NKAIN2: variants seen among roughly 807,000 people sequenced by gnomAD.
NKAIN2 encodes the protein sodium/potassium transporting ATPase interacting 2.
A neutral mutation model predicts 32.6 loss-of-function variants in NKAIN2; 14 were observed. The ratio of observed to expected loss-of-function variants is 0.43; its 90% CI spans 0.28 to 0.67. NKAIN2 has a LOEUF of 0.67. NKAIN2 is among the 30% of genes least tolerant of loss of function. The probability of loss-of-function intolerance (pLI) is 0.17; values close to 1 mark genes in which losing one functional copy is unlikely to be tolerated. For synonymous variants in NKAIN2, 80 were observed against 87.2 expected, an observed-to-expected ratio of 0.92 and a Z score of 0.46; for missense variants, 198 against 258.3, an observed-to-expected ratio of 0.77 and a Z score of 1.60.
intron 1 of NKAIN2, among the ~76,000 whole-genome samples, chr6:123,870,819 TAGG>T (rs1772832379): frequency 6.6e-6 from 1 of 152,146 alleles, no homozygotes; most frequent in African/African-American, 2.4e-5. Flanking sequence ...AAATATTAGA[TAGG>T]AGAAAAATTG....
chr6:124,739,950 G>T (rs1051499205), intron 4 of NKAIN2, among the ~76,000 whole-genome samples: 2 of 151,836 alleles, frequency 1.3e-5, no homozygotes, highest in Non-Finnish European at 2.9e-5. Flanking sequence ...GCATGGGAAA[G>T]GTTTAAATGT....
chr6:124,170,918 C>T (rs1181299991), intron 1 of NKAIN2, among the ~76,000 whole-genome samples: 2 of 151,928 alleles, frequency 1.3e-5, no homozygotes, highest in African/African-American at 4.8e-5. Context: ...AAGTTTTTTC[C>T]CCAATTCAAA....
chr6:123,983,226 T>C (rs13217719), intron 1 of NKAIN2, among the ~76,000 whole-genome samples: 54,592 of 152,014 alleles, frequency 0.36, 10,134 homozygotes, highest in Admixed American at 0.48. Context: ...CTTATTGAGA[T>C]GTCCAGCAAA....
intron 3 of NKAIN2, among the ~76,000 whole-genome samples, chr6:124,568,737 C>T (rs148773201): frequency 7.2e-6 from 1 of 139,790 alleles, no homozygotes; most frequent in East Asian, 2.2e-4. Context: ...AGGCTGTCCA[C>T]TAAAGAAAAA....
At chr6:124,351,256 G>A (rs930480608) in intron 2 of NKAIN2, among the ~76,000 whole-genome samples, 1 of 151,986 alleles carries the variant, frequency 6.6e-6, no homozygotes, top group Admixed American at 6.6e-5. Context: ...TTTTATATCA[G>A]TTAATATGAG....
At chr6:123,808,736 T>G (rs960789635) in intron 1 of NKAIN2, among the ~76,000 whole-genome samples, 1 of 152,330 alleles carries the variant, frequency 6.6e-6, no homozygotes, top group African/African-American at 2.4e-5. Context: ...GGGGCCCGTA[T>G]GTGGGTAATG....
intron 3 of NKAIN2, among the ~76,000 whole-genome samples, chr6:124,363,173 G>T (rs1799369289): frequency 1.3e-5 from 2 of 152,070 alleles, no homozygotes; most frequent in Non-Finnish European, 2.9e-5. Flanking sequence ...CTTATAAATT[G>T]ACCATGAGAT....
chr6:124,258,440 A>G (rs1328513172), intron 1 of NKAIN2, among the ~76,000 whole-genome samples: 1 of 152,220 alleles, frequency 6.6e-6, no homozygotes, highest in Non-Finnish European at 1.5e-5. Context: ...GATCTTGTAA[A>G]AAGATTTATT....
chr6:124,722,421 G>A (rs186078252), intron 4 of NKAIN2, among the ~76,000 whole-genome samples: 26 of 152,268 alleles, frequency 1.7e-4, no homozygotes, highest in Admixed American at 8.5e-4. Context: ...GACCAGTTTC[G>A]TGGAAGACAA....
chr6:124,673,470 C>T (rs966585049), intron 4 of NKAIN2, among the ~76,000 whole-genome samples: 2 of 151,970 alleles, frequency 1.3e-5, no homozygotes, highest in African/African-American at 4.8e-5. Flanking sequence ...TATACTGTTA[C>T]ACCATTTTAC....
At chr6:124,027,112 A>G (rs1036720381) in intron 1 of NKAIN2, among the ~76,000 whole-genome samples, 1 of 144,042 alleles carries the variant, frequency 6.9e-6, no homozygotes, top group African/African-American at 2.6e-5. Flanking sequence ...GTCAATCACT[A>G]TTACTCTCAG....
At chr6:124,046,391 A>C (rs1420720410) in intron 1 of NKAIN2, among the ~76,000 whole-genome samples, 1 of 151,984 alleles carries the variant, frequency 6.6e-6, no homozygotes, top group African/African-American at 2.4e-5. Flanking sequence ...AATTCTGTAA[A>C]TACTAAATAC....
intron 3 of NKAIN2, among the ~76,000 whole-genome samples, chr6:124,505,203 T>G (rs879575116): frequency 6.6e-6 from 1 of 152,216 alleles, no homozygotes; most frequent in East Asian, 1.9e-4. Context: ...ATAAATCCAA[T>G]CTCAGGTGTG....
At chr6:124,406,716 A>G (rs1362800697) in intron 3 of NKAIN2, among the ~76,000 whole-genome samples, 2 of 152,146 alleles carry the variant, frequency 1.3e-5, no homozygotes, top group Non-Finnish European at 2.9e-5. Context: ...TATGAGAATC[A>G]GATTTTCTCT....
chr6:124,785,937 C>T (rs150061083), intron 4 of NKAIN2, among the ~76,000 whole-genome samples: 28 of 152,212 alleles, frequency 1.8e-4, no homozygotes, highest in African/African-American at 6.7e-4. Context: ...GAAGTCTTGG[C>T]TCCCTACTCT....
intron 1 of NKAIN2, among the ~76,000 whole-genome samples, chr6:124,065,787 T>C (rs1346360294): frequency 6.6e-6 from 1 of 152,214 alleles, no homozygotes; most frequent in Non-Finnish European, 1.5e-5. Context: ...TGGGATGTTA[T>C]TTATACACAG....
At position 124,177,137 on chromosome 6, in the gene NKAIN2, A is replaced by G. The variant is rs186308051; in HGVS notation, c.55-105868A>G. Reference sequence around the variant, plus strand: ...AAATTTGACAAACCCTTGAAATCCAAAATGCAAAAGTATTTTATATCAATT... The same window carrying G: ...AAATTTGACAAACCCTTGAAATCCAGAATGCAAAAGTATTTTATATCAATT... On this transcript the variant is annotated intron_variant, in intron 1 of 6. Transcript: ENST00000368417. Among the ~76,000 whole-genome samples, 11 of 152,320 alleles carry G rather than the reference A, an allele frequency of 7.2e-5. No homozygotes were observed. The East Asian group carries it at 1.9e-3, about 27-fold the overall frequency.
intron 4 of NKAIN2, among the ~76,000 whole-genome samples, chr6:124,669,600 C>G (rs932333731): frequency 6.6e-6 from 1 of 151,970 alleles, no homozygotes; most frequent in Non-Finnish European, 1.5e-5. Flanking sequence ...TCTACTCAGG[C>G]CAGCATTATC....
intron 1 of NKAIN2, among the ~76,000 whole-genome samples, chr6:123,985,888 A>G (rs1014419775): frequency 6.6e-6 from 1 of 152,210 alleles, no homozygotes; most frequent in African/African-American, 2.4e-5. Flanking sequence ...AGACAACAGC[A>G]TCTAAAAAAG....
Sources: gnomAD v4.1 joint callset for allele counts (sites outside exome capture counted in the v4.1 genomes callset) on GRCh38, gnomAD v4.1.1 for gene constraint, MANE v1.5 for transcripts, NCBI Gene and HGNC (gene_info 2026-07-23, HGNC 2026-07-21) for gene names.